The following NLGN4Y variants were observed in gnomAD, a reference collection of about 807,000 sequenced individuals.
NLGN4Y encodes neuroligin-4, Y-linked.
NLGN4Y carries 4 observed loss-of-function variants against 8.4 expected under a neutral mutation model. That is an observed-to-expected ratio of 0.48 (90% CI 0.23 to 1.09). The LOEUF is 1.09. NLGN4Y is among the 50% of genes least tolerant of loss of function. NLGN4Y has a pLI of 0.19. For missense variants in NLGN4Y, 90 were observed against 192.3 expected, an observed-to-expected ratio of 0.47 and a Z score of 3.15; for synonymous variants, 35 against 75.6, an observed-to-expected ratio of 0.46 and a Z score of 2.78.
intron 2 of NLGN4Y, among the ~76,000 whole-genome samples, chrY:14,708,940 A>T (rs912538660): frequency 3.0e-5 from 1 of 33,418 alleles, no homozygotes; most frequent in East Asian, 8.0e-4. Context: ...CTCACTGGCC[A>T]AGCACTATCT....
intron 2 of NLGN4Y, among the ~76,000 whole-genome samples, chrY:14,654,556 C>T: frequency 1.3e-4 from 4 of 30,095 alleles, no homozygotes; most frequent in African/African-American, 2.6e-4. Context: ...AAAAGTTTCT[C>T]TTACTGACCT....
chrY:14,543,801 T>C, intron 1 of NLGN4Y, among the ~76,000 whole-genome samples: 1 of 33,012 alleles, frequency 3.0e-5, no homozygotes, highest in Non-Finnish European at 7.4e-5. Context: ...GAAACAAAGA[T>C]AAAGGGGTGT....
intron 2 of NLGN4Y, chrY:14,639,194 C>G: frequency 7.2e-6 from 1 of 138,614 alleles, no homozygotes; most frequent in East Asian, 1.7e-4. Flanking sequence ...ATAGAAAACA[C>G]TGTGATAACC....
intron 2 of NLGN4Y, among the ~76,000 whole-genome samples, chrY:14,704,430 A>G (rs766387566): frequency 7.5e-4 from 25 of 33,144 alleles, no homozygotes; most frequent in African/African-American, 2.9e-3. Context: ...TATGGTTTTT[A>G]TTGTTGGTTC....
chrY:14,656,891 C>T, intron 2 of NLGN4Y, among the ~76,000 whole-genome samples: 3 of 31,407 alleles, frequency 9.6e-5, no homozygotes, highest in Non-Finnish European at 1.5e-4. Flanking sequence ...AGTTTCTTGT[C>T]TTTCTGTAAC....
intron 1 of NLGN4Y, among the ~76,000 whole-genome samples, chrY:14,568,770 A>AT (rs2080260703): frequency 3.1e-4 from 10 of 32,430 alleles, no homozygotes; most frequent in East Asian, 2.4e-3. Context: ...ACATATATAT[A>AT]TTTTTTTTAA....
chrY:14,689,620 G>T (rs2080803278), intron 2 of NLGN4Y, among the ~76,000 whole-genome samples: 1 of 32,602 alleles, frequency 3.1e-5, no homozygotes, highest in Non-Finnish European at 7.6e-5. Context: ...TGGGTAAATG[G>T]GTTGGTGGTG....
chrY:14,556,231 A>G, intron 1 of NLGN4Y, among the ~76,000 whole-genome samples: 1 of 33,237 alleles, frequency 3.0e-5, no homozygotes, highest in Non-Finnish European at 7.4e-5. Flanking sequence ...TATGCTCTCA[A>G]ATGTCATTAT....
intron 2 of NLGN4Y, among the ~76,000 whole-genome samples, chrY:14,713,540 AGGTTCAAAT>A (rs2080906037): frequency 3.0e-5 from 1 of 33,623 alleles, no homozygotes; most frequent in African/African-American, 1.2e-4. Flanking sequence ...CACTGCAATG[AGGTTCAAAT>A]GATTCTCCCA....
chrY:14,572,742 G>C (rs759607391), intron 1 of NLGN4Y, among the ~76,000 whole-genome samples: 1,290 of 33,137 alleles, frequency 0.039, no homozygotes, highest in Middle Eastern at 0.3. Flanking sequence ...GTTTGTCATA[G>C]ATAGCTCTTA....
intron 1 of NLGN4Y, among the ~76,000 whole-genome samples, chrY:14,602,411 A>G: frequency 6.0e-5 from 2 of 33,216 alleles, no homozygotes; most frequent in Non-Finnish European, 7.4e-5. Flanking sequence ...GTTTTTGTAT[A>G]TCAGTGTGAG....
intron 4 of NLGN4Y, among the ~76,000 whole-genome samples, chrY:14,736,118 G>C (rs776124967): frequency 3.0e-5 from 1 of 33,000 alleles, no homozygotes; most frequent in Non-Finnish European, 7.5e-5. Flanking sequence ...GGTGTTGAAG[G>C]GTGTATGCAG....
chrY:14,548,820 C>T, intron 1 of NLGN4Y, among the ~76,000 whole-genome samples: 1 of 33,480 alleles, frequency 3.0e-5, no homozygotes, highest in Non-Finnish European at 7.4e-5. Context: ...AATAATTGAA[C>T]TGACTTTTCT....
intron 1 of NLGN4Y, among the ~76,000 whole-genome samples, chrY:14,587,829 G>A (rs2080346772): frequency 3.0e-5 from 1 of 33,001 alleles, no homozygotes; most frequent in South Asian, 6.9e-4. Context: ...CCTCTCTGCC[G>A]TCTTTACAGA....
At chrY:14,621,563 G>C in intron 1 of NLGN4Y, among the ~76,000 whole-genome samples, 1 of 33,466 alleles carries the variant, frequency 3.0e-5, no homozygotes, top group Non-Finnish European at 7.4e-5. Context: ...GGTGACTGAC[G>C]CGTGTTATCC....
chrY:14,569,262 A>C, intron 1 of NLGN4Y, among the ~76,000 whole-genome samples: 1 of 32,743 alleles, frequency 3.1e-5, no homozygotes, highest in Non-Finnish European at 7.5e-5. Context: ...CTAGCTTTTC[A>C]ACCCATACCC....
intron 4 of NLGN4Y, among the ~76,000 whole-genome samples, chrY:14,769,867 G>A: frequency 3.0e-5 from 1 of 33,162 alleles, no homozygotes; most frequent in South Asian, 6.8e-4. Context: ...GGTGTGGGGA[G>A]GGGCGCCTGC....
At chrY:14,837,445 G>A (rs2043201216) in intron 6 of NLGN4Y, among the ~76,000 whole-genome samples, 1 of 33,495 alleles carries the variant, frequency 3.0e-5, no homozygotes, top group Admixed American at 2.7e-4. Context: ...GCTGTGTTAG[G>A]TGCTAGGGGA....
chrY:14,598,275 A>G, intron 1 of NLGN4Y, among the ~76,000 whole-genome samples: 7 of 34,498 alleles, frequency 2.0e-4, no homozygotes, highest in Admixed American at 1.0e-3. Context: ...GGCTCGGGCC[A>G]CACAGGAGCC....
Sources: gnomAD v4.1 joint callset for allele counts (sites outside exome capture counted in the v4.1 genomes callset) on GRCh38, gnomAD v4.1.1 for gene constraint, MANE v1.5 for transcripts, NCBI Gene and HGNC (gene_info 2026-07-23, HGNC 2026-07-21) for gene names.